Variants in KYAT1 observed in about 807,000 individuals in gnomAD.
KYAT1 encodes the protein kynurenine--oxoglutarate transaminase 1.
In KYAT1, 47 loss-of-function variants were observed where a neutral mutation model predicts 52.4. That is an observed-to-expected ratio of 0.90 (90% CI 0.71 to 1.14). The LOEUF is 1.14. Ranked by LOEUF, KYAT1 falls within the 50% of genes most tolerant of loss-of-function variation. KYAT1 has a pLI of 0.00. For missense variants in KYAT1, 480 were observed against 557.9 expected, an observed-to-expected ratio of 0.86 and a Z score of 1.41; for synonymous variants, 212 against 209.6, an observed-to-expected ratio of 1.01 and a Z score of -0.10.
rs139376538 is a variant in KYAT1, at chr9:128,868,159, C to T, written c.-7+13738G>A. On this transcript the variant is annotated intron_variant, in intron 1 of 12. Coordinates refer to ENST00000302586, the MANE Select transcript of KYAT1 (RefSeq NM_004059.5). ...ATAAAATTGAGAGCCCAGTAATAAA[C>T]CCAAACATCTATGGCCCACTAATTT... Among the ~76,000 whole-genome samples, 624 of 151,748 alleles carry T rather than the reference C, an allele frequency of 4.1e-3. 13 individuals are homozygous for T. The East Asian group carries it at 0.041, about 10-fold the overall frequency.
At chr9:128,842,610 C>A in intron 3 of KYAT1, 44 bp downstream of exon 3, 1 of 1,595,542 alleles carries the variant, frequency 6.3e-7, no homozygotes, top group South Asian at 1.1e-5. Flanking sequence ...AAAGCCCTGT[C>A]CCCTTCCTCC....
chr9:128,858,731 G>T (rs556185673), intron 1 of KYAT1, among the ~76,000 whole-genome samples: 1 of 151,866 alleles, frequency 6.6e-6, no homozygotes, highest in Non-Finnish European at 1.5e-5. Flanking sequence ...TTTTAGGCCA[G>T]GCCCGGTGGC....
intron 1 of KYAT1, among the ~76,000 whole-genome samples, chr9:128,859,453 A>C (rs891081024): frequency 5.7e-4 from 86 of 151,998 alleles, no homozygotes; most frequent in African/African-American, 2.1e-3. Context: ...GGATCACCTG[A>C]GGTCAGGAGT....
At position 128,833,332 on chromosome 9, in the gene KYAT1, C is replaced by G; in HGVS notation, c.*252G>C. 3.4e-6 allele frequency: 2 copies of G among 594,282 alleles called. No homozygotes were observed. Among genetic ancestry groups the G allele is most frequent in the Admixed American group, 3.0e-5 (1 of 33,760 alleles). 36.8% of individuals were successfully genotyped at this position (594,282 alleles called of 1,614,324 possible). ...GGAGAGACCAGAAGCAACACAAGAC[C>G]CTACAAACCCACCTATGGAGGGGCA... On this transcript the variant is annotated 3_prime_UTR_variant, in exon 13 of 13. Coordinates refer to ENST00000302586, the MANE Select transcript of KYAT1 (RefSeq NM_004059.5).
chr9:128,841,428 A>AGGAGGCGGAGGCGGAGGC (rs376433877), intron 3 of KYAT1, among the ~76,000 whole-genome samples: 2 of 151,832 alleles, frequency 1.3e-5, no homozygotes, highest in South Asian at 4.2e-4. Context: ...GCTTGAACCC[A>AGGAGGCGGAGGCGGAGGC]GGAGGCGGAG....
intron 1 of KYAT1, among the ~76,000 whole-genome samples, chr9:128,881,211 G>T (rs1838829934): frequency 6.6e-6 from 1 of 152,030 alleles, no homozygotes. Context: ...CTCCAGAGTA[G>T]CTGGGACTAC....
intron 1 of KYAT1, among the ~76,000 whole-genome samples, chr9:128,873,337 T>C (rs1469108828): frequency 1.3e-5 from 2 of 150,100 alleles, no homozygotes; most frequent in Non-Finnish European, 3.0e-5. Context: ...GACTCTGTCA[T>C]TTAAAAATAA....
At chr9:128,847,914 C>A (rs555117249) in intron 1 of KYAT1, among the ~76,000 whole-genome samples, 1 of 152,198 alleles carries the variant, frequency 6.6e-6, no homozygotes, top group South Asian at 2.1e-4. Flanking sequence ...GAAACACATA[C>A]ACCACCTGCA....
chr9:128,846,010 T>C (rs1443907137), intron 1 of KYAT1, among the ~76,000 whole-genome samples: 1 of 152,212 alleles, frequency 6.6e-6, no homozygotes, highest in Non-Finnish European at 1.5e-5. Flanking sequence ...CCCAAGGCCA[T>C]GTCCTAACTC....
intron 1 of KYAT1, 138 bp from the exon 2 acceptor site, chr9:128,845,549 G>A: frequency 1.3e-6 from 1 of 760,160 alleles, no homozygotes. Context: ...GATAGAGTTT[G>A]CAGAAGGGCA....
At chr9:128,865,330 TATATATATATA>T (rs1836112072) in intron 1 of KYAT1, among the ~76,000 whole-genome samples, 10 of 2,464 alleles carry the variant, frequency 4.1e-3, no homozygotes, top group African/African-American at 7.0e-3. Flanking sequence ...TATATATATA[TATATATATATA>T]TATATATATA....
intron 9 of KYAT1, 32 bp from the exon 10 acceptor site, chr9:128,835,699 C>G: frequency 4.4e-6 from 7 of 1,607,290 alleles, no homozygotes; most frequent in Non-Finnish European, 5.9e-6. Flanking sequence ...ACAGATAGAT[C>G]AGCTGTTCCC....
chr9:128,856,630 A>T (rs1212625049), intron 1 of KYAT1, among the ~76,000 whole-genome samples: 2 of 152,222 alleles, frequency 1.3e-5, no homozygotes, highest in Non-Finnish European at 2.9e-5. Context: ...TGTTGTCTGG[A>T]ATCAAGGTTT....
intron 1 of KYAT1, among the ~76,000 whole-genome samples, chr9:128,874,294 G>A (rs1354551777): frequency 2.6e-5 from 4 of 151,550 alleles, no homozygotes; most frequent in African/African-American, 9.7e-5. Context: ...GAACAGTGCT[G>A]CAGTCTTCCA....
chr9:128,872,596 C>A (rs1055593951), intron 1 of KYAT1, among the ~76,000 whole-genome samples: 3 of 150,890 alleles, frequency 2.0e-5, no homozygotes, highest in African/African-American at 7.3e-5. Flanking sequence ...GGTGAAAGCC[C>A]GTCTCTAATA....
At chr9:128,846,924 C>G in intron 1 of KYAT1, 2 of 1,378,310 alleles carry the variant, frequency 1.5e-6, no homozygotes, top group Non-Finnish European at 2.0e-6. Flanking sequence ...GTTCCCACTG[C>G]ACTCTCACTA....
chr9:128,878,525 AT>A (rs1008638175), intron 1 of KYAT1, among the ~76,000 whole-genome samples: 9 of 151,964 alleles, frequency 5.9e-5, no homozygotes, highest in East Asian at 3.9e-4. Flanking sequence ...ATGAATCCAA[AT>A]TTTTTTTGAT....
At chr9:128,845,466 C>T (rs1564464984) in intron 1 of KYAT1, 55 bp from the exon 2 acceptor site, 29 of 1,540,388 alleles carry the variant, frequency 1.9e-5, no homozygotes, top group Middle Eastern at 3.4e-4. Flanking sequence ...TGCAGCAGTC[C>T]GAGCTTGCAC....
intron 1 of KYAT1, among the ~76,000 whole-genome samples, chr9:128,870,737 G>C (rs1351696139): frequency 6.6e-6 from 1 of 152,178 alleles, no homozygotes; most frequent in African/African-American, 2.4e-5. Flanking sequence ...CAAGTCTATA[G>C]AGACAGAAAG....
Sources: allele counts gnomAD v4.1 joint callset (sites outside exome capture counted in the v4.1 genomes callset), GRCh38; gene constraint gnomAD v4.1.1; transcripts MANE v1.5; gene names NCBI Gene and HGNC (gene_info 2026-07-23, HGNC 2026-07-21).